The following CHGA variants were observed in gnomAD, a reference collection of about 807,000 sequenced individuals.
The protein encoded by CHGA is chromogranin-A.
Under a neutral mutation model 54.4 loss-of-function variants are expected in CHGA, and 41 were observed. The observed-to-expected ratio is 0.75, with a 90% CI of 0.59 to 0.98. The LOEUF (loss-of-function observed/expected upper bound fraction) is 0.98. Ranked by LOEUF, CHGA falls within the 50% of genes least tolerant of loss-of-function variation. The probability of loss-of-function intolerance (pLI) is 0.00; values close to 1 mark genes in which losing one functional copy is unlikely to be tolerated. For missense variants in CHGA, 576 were observed against 582.3 expected, an observed-to-expected ratio of 0.99 and a Z score of 0.11; for synonymous variants, 249 against 232.8, an observed-to-expected ratio of 1.07 and a Z score of -0.63.
At chr14:92,928,699 T>C (rs2295397) in intron 4 of CHGA, among the ~76,000 whole-genome samples, 41,006 of 152,074 alleles carry the variant, frequency 0.27, 5,663 homozygotes, top group East Asian at 0.4. Flanking sequence ...TAGGAGAATG[T>C]GTCCTGAAAC....
At chr14:92,931,724 T>G (rs954374339) in intron 6 of CHGA, 22 bp downstream of exon 6, 1 of 1,538,120 alleles carries the variant, frequency 6.5e-7, no homozygotes, top group African/African-American at 1.4e-5. Flanking sequence ...GGCGAAGACC[T>G]CAACGAACGT....
Position 92,927,534 on chromosome 14 carries a change from C to G in CHGA, c.188-16C>G. On this transcript the variant is annotated splice_polypyrimidine_tract_variant and intron_variant, in intron 3 of 7. Coordinates refer to ENST00000216492, the MANE Select transcript of CHGA (RefSeq NM_001275.4). ...GTTCTCTGGAAACCACCCATGATGA[C>G]TCTTCTTCATTGCAGATGAACGGAT... The G allele has an allele frequency of 6.2e-7, 1 of 1,608,754 alleles. No homozygotes were observed. The highest frequency in any genetic ancestry group is 8.5e-7 in the Non-Finnish European group (1 of 1,176,290).
chr14:92,923,503 C>A lies in CHGA; in HGVS notation c.46+98C>A, dbSNP rs372222382. 1.3e-4 allele frequency: 143 copies of A among 1,091,462 alleles called. 5 individuals carry two copies. In the East Asian group the frequency reaches 1.4e-3, roughly 10 times the overall value. 67.6% of individuals were successfully genotyped at this position (1,091,462 alleles called of 1,614,324 possible). On this transcript the variant is annotated intron_variant, in intron 1 of 7. Transcript: ENST00000216492. ...CGGCGCCCCGCACCCCTCCACACTT[C>A]CCTTCGGGCGCGGCGAGTTTTCAGC...
rs1348126788 is a variant in CHGA, at chr14:92,929,805, C to G, written c.345C>G (p.Ala115=). The G allele has an allele frequency of 1.2e-6, 2 of 1,611,546 alleles. No individual in the cohort carries two copies. Among genetic ancestry groups the G allele is most frequent in the East Asian group, 2.2e-5 (1 of 44,880 alleles). Residue 115 remains alanine (A), a synonymous_variant, in exon 5 of 8, where the codon GCC becomes GCG. Transcript: ENST00000216492. ...SEVLENQSSQ[A]ELKEAVEEPS... Reference sequence around the variant, plus strand: ...TTCTTGAGAACCAGAGCAGCCAGGCCGAGCTGAAAGGTCTGTCCCAGCCGG... The same window carrying G: ...TTCTTGAGAACCAGAGCAGCCAGGCGGAGCTGAAAGGTCTGTCCCAGCCGG...
upstream of CHGA, among the ~76,000 whole-genome samples, chr14:92,922,832 C>T (rs1480463193): frequency 1.3e-5 from 2 of 152,214 alleles, no homozygotes; most frequent in African/African-American, 2.4e-5. Flanking sequence ...GACCTCAGTA[C>T]ACATGGAAGA....
chr14:92,928,977 G>A (rs1033146315), intron 4 of CHGA, among the ~76,000 whole-genome samples: 2 of 152,214 alleles, frequency 1.3e-5, no homozygotes, highest in African/African-American at 2.4e-5. Flanking sequence ...TGGAACCCAC[G>A]TTGCCTGAGA....
intron 6 of CHGA, 144 bp downstream of exon 6, chr14:92,931,846 G>T (rs1887006350): frequency 1.2e-6 from 1 of 856,348 alleles, no homozygotes; most frequent in Non-Finnish European, 1.8e-6. Context: ...GACAAATGAG[G>T]CTCAGAGAGG....
rs138272542 is a variant in CHGA at position 92,931,585 on chromosome 14, G to A, written c.691G>A (p.Glu231Lys). The part of the protein sequence containing the change: ...PGWQAKREEE[E>K]EEEEEAEAGE... ...GTGGCAGGCAAAGAGAGAAGAGGAG[G>A]AGGAGGAGGAGGAGGAGGCTGAGGC... The change falls in exon 6 of 8, where the codon GAG becomes AAG. Residue 231 changes from glutamate to lysine, a missense_variant. By Grantham distance (56) the Glu-to-Lys change is moderately conservative (BLOSUM62 1). Transcript: ENST00000216492. The A allele has an allele frequency of 1.2e-5, 19 of 1,613,144 alleles. No homozygotes were observed. Among genetic ancestry groups the A allele is most frequent in the African/African-American group, 2.7e-5 (2 of 74,906 alleles).
chr14:92,924,614 C>T (rs1421441581), intron 2 of CHGA, among the ~76,000 whole-genome samples: 1 of 152,192 alleles, frequency 6.6e-6, no homozygotes, highest in Non-Finnish European at 1.5e-5. Flanking sequence ...ATGGCCTTTG[C>T]CTGCCTGGCT....
In CHGA at chr14:92,929,799, C is replaced by G. The variant is rs1006305003; in HGVS notation, c.339C>G (p.Ser113Arg). The change falls in exon 5 of 8, where the codon AGC (serine) becomes AGG (arginine). Residue 113 changes from serine (S) to arginine (R), a missense_variant. Physicochemically the swap from Ser to Arg is moderately radical, Grantham distance 110. Transcript: ENST00000216492. ...CAGAGGTTCTTGAGAACCAGAGCAG[C>G]CAGGCCGAGCTGAAAGGTCTGTCCC... Reference protein sequence around the residue: ...ELSEVLENQSSQAELKEAVEE... With the variant: ...ELSEVLENQSRQAELKEAVEE... The G allele has an allele frequency of 1.7e-5, 27 of 1,612,270 alleles. No individual in the cohort carries two copies. The highest frequency in any genetic ancestry group is 2.3e-5 in the Non-Finnish European group (27 of 1,179,960).
intron 1 of CHGA, 82 bp downstream of exon 1, chr14:92,923,487 G>T: frequency 8.6e-7 from 1 of 1,160,084 alleles, no homozygotes; most frequent in Non-Finnish European, 1.1e-6. Flanking sequence ...GCGGCGCCCC[G>T]CACCCCTCCA....
intron 7 of CHGA, among the ~76,000 whole-genome samples, chr14:92,933,726 G>C (rs1240830818): frequency 1.3e-5 from 2 of 152,202 alleles, no homozygotes; most frequent in African/African-American, 4.8e-5. Flanking sequence ...GAGGAAGAAG[G>C]CTCCATGTTG....
upstream of CHGA, chr14:92,923,045 G>A (rs1772354227): frequency 4.1e-6 from 1 of 246,532 alleles, no homozygotes; most frequent in African/African-American, 2.3e-5. Flanking sequence ...GTGGGGGCGA[G>A]CGGGGACTGG....
chr14:92,929,244 C>T (rs1886946452), intron 4 of CHGA, among the ~76,000 whole-genome samples: 1 of 152,226 alleles, frequency 6.6e-6, no homozygotes, highest in Non-Finnish European at 1.5e-5. Context: ...CAGAGCTTGC[C>T]TGAATCAAGA....
At chr14:92,923,672 G>C (rs1197100426) in intron 1 of CHGA, among the ~76,000 whole-genome samples, 1 of 152,230 alleles carries the variant, frequency 6.6e-6, no homozygotes, top group Non-Finnish European at 1.5e-5. Flanking sequence ...CGCCTCGGTT[G>C]CATCAGGGCC....
chr14:92,926,836 C>G, intron 3 of CHGA, 138 bp downstream of exon 3: 1 of 737,566 alleles, frequency 1.4e-6, no homozygotes, highest in Admixed American at 2.1e-5. Context: ...AGGCACTGCA[C>G]CAGGGTCCAA....
At chr14:92,933,015 C>T in intron 7 of CHGA, 164 bp downstream of exon 7, 1 of 1,099,130 alleles carries the variant, frequency 9.1e-7, no homozygotes, top group Non-Finnish European at 1.2e-6. Flanking sequence ...GGGAGAACAC[C>T]CCAGCTCACA....
chr14:92,927,729 T>A (rs992717661), intron 4 of CHGA, 111 bp downstream of exon 4: 2 of 886,034 alleles, frequency 2.3e-6, no homozygotes, highest in Non-Finnish European at 3.6e-6. Flanking sequence ...TTCCTTTTAA[T>A]TATAAAGCGG....
intron 3 of CHGA, 118 bp downstream of exon 3, chr14:92,926,816 C>G (rs897405497): frequency 2.4e-6 from 2 of 847,648 alleles, no homozygotes; most frequent in Admixed American, 2.0e-5. Context: ...ACTGAGTGCC[C>G]GTCATGTCCA....
Sources: gnomAD v4.1 joint callset for allele counts (sites outside exome capture counted in the v4.1 genomes callset) on GRCh38, gnomAD v4.1.1 for gene constraint, MANE v1.5 for transcripts, NCBI Gene and HGNC (gene_info 2026-07-23, HGNC 2026-07-21) for gene names.